The following SPMIP2 variants were observed in gnomAD, a reference collection of about 807,000 sequenced individuals.
The protein encoded by SPMIP2 is protein SPMIP2.
At chr4:158,913,644 C>G in the SPMIP2 span, among the ~76,000 whole-genome samples, 1 of 152,136 alleles carries the variant, frequency 6.6e-6, no homozygotes, top group Non-Finnish European at 1.5e-5. Context: ...TTAGGAAATA[C>G]ACCCTGAAAT....
chr4:159,005,551 A>G, the SPMIP2 span, among the ~76,000 whole-genome samples: 1 of 152,196 alleles, frequency 6.6e-6, no homozygotes, highest in Non-Finnish European at 1.5e-5. Context: ...CTCCAGCTGT[A>G]CTTTCCGATG....
At chr4:158,939,364 A>G in the SPMIP2 span, among the ~76,000 whole-genome samples, 1 of 152,212 alleles carries the variant, frequency 6.6e-6, no homozygotes, top group African/African-American at 2.4e-5. Flanking sequence ...AAAAATATCA[A>G]TTTATAGACA....
the SPMIP2 span, among the ~76,000 whole-genome samples, chr4:158,955,496 C>T: frequency 2.0e-5 from 3 of 152,166 alleles, no homozygotes; most frequent in African/African-American, 7.2e-5. Flanking sequence ...CCTCCACCTC[C>T]GGGGTTCAAG....
At chr4:158,948,348 T>A in the SPMIP2 span, among the ~76,000 whole-genome samples, 55,156 of 151,788 alleles carry the variant, frequency 0.36, 10,765 homozygotes, top group African/African-American at 0.5. Context: ...ATGCCTGAAA[T>A]TTTCTTTTTT....
At chr4:159,064,209 T>TCAAAA in the SPMIP2 span, 17 of 152,140 alleles carry the variant, frequency 1.1e-4, no homozygotes, top group Admixed American at 1.0e-3. Context: ...AGACTCCATC[T>TCAAAA]CAAAACAAAA....
chr4:159,050,847 G>A, the SPMIP2 span, among the ~76,000 whole-genome samples: 13 of 151,732 alleles, frequency 8.6e-5, no homozygotes, highest in African/African-American at 2.9e-4. Context: ...CGTGGTTCAC[G>A]CCTGTAATCC....
chr4:158,982,103 A>G, the SPMIP2 span, among the ~76,000 whole-genome samples: 4 of 152,340 alleles, frequency 2.6e-5, no homozygotes, highest in Admixed American at 2.6e-4. Context: ...CTTTAAACCA[A>G]CAAAGATCAA....
the SPMIP2 span, among the ~76,000 whole-genome samples, chr4:159,006,739 G>A: frequency 2.6e-5 from 4 of 152,136 alleles, no homozygotes; most frequent in African/African-American, 9.7e-5. Flanking sequence ...TAAAGTCAGA[G>A]CAATCATAGA....
the SPMIP2 span, among the ~76,000 whole-genome samples, chr4:159,028,301 G>C: frequency 6.6e-6 from 1 of 152,256 alleles, no homozygotes; most frequent in Admixed American, 6.5e-5. Flanking sequence ...CTGAATTAAA[G>C]AATGTATTTT....
the SPMIP2 span, among the ~76,000 whole-genome samples, chr4:158,930,946 T>A: frequency 6.6e-6 from 1 of 152,174 alleles, no homozygotes. Context: ...CTTGAATATA[T>A]AGATTACTGT....
chr4:159,071,394 G>T, the SPMIP2 span, among the ~76,000 whole-genome samples: 1 of 152,142 alleles, frequency 6.6e-6, no homozygotes, highest in Non-Finnish European at 1.5e-5. Flanking sequence ...GAGGACAAAG[G>T]ACAAGAGGAA....
the SPMIP2 span, among the ~76,000 whole-genome samples, chr4:158,908,876 C>T: frequency 6.6e-6 from 1 of 152,166 alleles, no homozygotes; most frequent in East Asian, 1.9e-4. Context: ...TTAGTAGAAA[C>T]GAGGTTTCAC....
At chr4:158,929,052 G>T in the SPMIP2 span, among the ~76,000 whole-genome samples, 1 of 152,212 alleles carries the variant, frequency 6.6e-6, no homozygotes, top group Non-Finnish European at 1.5e-5. Context: ...GTGAGACAAA[G>T]AACCCACCAA....
the SPMIP2 span, chr4:158,905,331 T>C: frequency 6.6e-6 from 1 of 152,228 alleles, no homozygotes; most frequent in African/African-American, 2.4e-5. Flanking sequence ...TTTATCCTTA[T>C]ATTTTAGAGC....
the SPMIP2 span, among the ~76,000 whole-genome samples, chr4:159,044,866 C>T: frequency 6.6e-5 from 10 of 152,112 alleles, no homozygotes; most frequent in African/African-American, 1.9e-4. Flanking sequence ...CCAAGGTGGA[C>T]GGATCACCTG....
At chr4:158,979,297 G>A in the SPMIP2 span, among the ~76,000 whole-genome samples, 6 of 152,164 alleles carry the variant, frequency 3.9e-5, no homozygotes, top group African/African-American at 1.2e-4. Flanking sequence ...GGCTCCATGG[G>A]GGTGGGATCC....
the SPMIP2 span, among the ~76,000 whole-genome samples, chr4:159,016,052 GGACTTAC>G: frequency 6.6e-6 from 1 of 152,224 alleles, no homozygotes; most frequent in South Asian, 2.1e-4. Context: ...GTCCTGAGCA[GGACTTAC>G]GACAGACTGA....
At chr4:158,950,764 C>A in the SPMIP2 span, among the ~76,000 whole-genome samples, 5 of 152,038 alleles carry the variant, frequency 3.3e-5, no homozygotes, top group Non-Finnish European at 7.4e-5. Context: ...GTCGTGGTGG[C>A]AGGTGTCTGT....
chr4:159,044,416 G>A, the SPMIP2 span, among the ~76,000 whole-genome samples: 1 of 150,534 alleles, frequency 6.6e-6, no homozygotes, highest in Non-Finnish European at 1.5e-5. Flanking sequence ...AAACACAAAT[G>A]GGTCTGGGAC....
Sources: gnomAD v4.1 joint callset for allele counts (sites outside exome capture counted in the v4.1 genomes callset) on GRCh38, gnomAD v4.1.1 for gene constraint, MANE v1.5 for transcripts, NCBI Gene and HGNC (gene_info 2026-07-23, HGNC 2026-07-21) for gene names.